The following RGPD3 variants were observed in gnomAD, a reference collection of about 807,000 sequenced individuals.
RGPD3 encodes the protein RANBP2 like and GRIP domain containing 3, also known as ranBP2-like and GRIP domain-containing protein 3.
A neutral mutation model predicts 154.5 loss-of-function variants in RGPD3; 62 were observed. The ratio of observed to expected loss-of-function variants is 0.40; its 90% CI spans 0.33 to 0.50. The LOEUF (loss-of-function observed/expected upper bound fraction) is 0.50, where lower values mean the gene tolerates loss of function less well. Among genes scored for constraint, RGPD3 ranks in the 20% least tolerant of loss-of-function variants. The pLI is 0.59. For missense variants in RGPD3, 919 were observed against 1,716.8 expected, an observed-to-expected ratio of 0.54 and a Z score of 8.21; for synonymous variants, 308 against 607.0, an observed-to-expected ratio of 0.51 and a Z score of 7.24.
At position 106,404,964 on chromosome 2, in the gene RGPD3, C is replaced by T. The variant is rs1173271400; in HGVS notation, c.*255G>A. On this transcript the variant is annotated 3_prime_UTR_variant, in exon 23 of 23. Transcript: ENST00000409886. ...GATCACATGAGTTAGAGGGCTGTGG[C>T]CTGGTATCAACACTTCAAGCTGTTG... 3 of 579,312 alleles carry T rather than the reference C, an allele frequency of 5.2e-6. No individual in the cohort carries two copies. The highest frequency in any genetic ancestry group is 1.9e-5 in the African/African-American group (1 of 52,218). The allele number at this position is 579,312 out of a possible 1,614,324, so 35.9% of individuals were successfully genotyped here. A position where few individuals can be genotyped will look rare whatever the true frequency, so the allele number is the denominator to read the frequency against.
intron 9 of RGPD3, among the ~76,000 whole-genome samples, 179 bp from the exon 10 acceptor site, chr2:106,437,033 CTTGA>C (rs1250758465): frequency 1.4e-4 from 1 of 6,996 alleles, no homozygotes; most frequent in African/African-American, 6.4e-4. Flanking sequence ...TGCATTCTCA[CTTGA>C]TTATTTCTAG....
intron 18 of RGPD3, among the ~76,000 whole-genome samples, chr2:106,427,062 A>G (rs1238795376): frequency 1.3e-5 from 2 of 151,424 alleles, no homozygotes; most frequent in African/African-American, 4.8e-5. Context: ...AAAATAAAAT[A>G]TTAAATAAAA....
chr2:106,433,124 T>G lies in RGPD3; in HGVS notation c.2367A>C (p.Ser789=). ...TGTTTACCTTGTAACTTTTACTTGGTGATAGTGAATATTTGGTAGGAGATG... is the reference window on the plus strand; with the variant it reads ...TGTTTACCTTGTAACTTTTACTTGGGGATAGTGAATATTTGGTAGGAGATG... ...STPSPTKYSL[S]PSKSYKYSPK... Residue 789 remains serine (S), a synonymous_variant, in exon 16 of 23, where the codon TCA becomes TCC. Coordinates refer to ENST00000409886, the MANE Select transcript of RGPD3 (RefSeq NM_001144013.2). 1 of 1,610,556 alleles carries G rather than the reference T, an allele frequency of 6.2e-7. No individual in the cohort carries two copies. Among genetic ancestry groups the G allele is most frequent in the South Asian group, 1.1e-5 (1 of 90,958 alleles).
intron 3 of RGPD3, among the ~76,000 whole-genome samples, 192 bp from the exon 4 acceptor site, chr2:106,457,315 C>A (rs558718545): frequency 3.3e-5 from 5 of 152,330 alleles, no homozygotes; most frequent in Admixed American, 2.6e-4. Flanking sequence ...TGGAAATGAA[C>A]CAAATAAAGA....
In RGPD3 at chr2:106,468,228, A is replaced by C. The variant is rs1234164686; in HGVS notation, c.61T>G (p.Ser21Ala). Residue 21 changes from serine to alanine, a missense_variant, in exon 1 of 23, where the codon TCG (serine) becomes GCG (alanine). Transcript: ENST00000409886. ...YVASVQGSAP[S>A]PRKKSTRGFY... ...CCAGACCCACTCACCTTTCGAGGCG[A>C]CGGGGCGGAGCCCTGCACCGAGGCG... The C allele has an allele frequency of 6.2e-7, 1 of 1,606,330 alleles. No individual in the cohort carries two copies. The highest frequency in any genetic ancestry group is 8.5e-7 in the Non-Finnish European group (1 of 1,177,646).
At position 106,423,823 on chromosome 2, in the gene RGPD3, T is replaced by G. The variant is rs1677085403; in HGVS notation, c.4144A>C (p.Ile1382Leu). The change falls in exon 20 of 23, where the codon ATA becomes CTA. Residue 1382 changes from isoleucine to leucine, a missense_variant. Coordinates refer to ENST00000409886, the MANE Select transcript of RGPD3 (RefSeq NM_001144013.2). ...TTATCATAATTCTGTAAAATCTTTA[T>G]ATCACCAATGCCCCTTTCTTTCCAT... is the stretch of plus-strand genomic sequence containing the variant. Reference protein sequence around the residue: ...GQWKERGIGDIKILQNYDNKH... With the variant: ...GQWKERGIGDLKILQNYDNKH... 6.2e-7 allele frequency: 1 copy of G among 1,612,032 alleles called. No individual in the cohort carries two copies. Among genetic ancestry groups the G allele is most frequent in the African/African-American group, 1.3e-5 (1 of 74,970 alleles).
Position 106,457,055 on chromosome 2 carries a change from A to G in RGPD3, c.321T>C (p.Asn107=). 5 of 1,611,594 alleles carry G rather than the reference A, an allele frequency of 3.1e-6. No individual in the cohort carries two copies. Among genetic ancestry groups the G allele is most frequent in the Non-Finnish European group, 4.2e-6 (5 of 1,179,626 alleles). ...ATTCTGCTCTTCCATCAGTAACATCATTTTTACAAAGCAATTCTGCAATCT... is the reference window on the plus strand; with the variant it reads ...ATTCTGCTCTTCCATCAGTAACATCGTTTTTACAAAGCAATTCTGCAATCT... ...VLKIAELLCK[N]DVTDGRAEYW... Residue 107 remains asparagine, a synonymous_variant, in exon 4 of 23, where the codon AAT becomes AAC. Coordinates refer to ENST00000409886, the MANE Select transcript of RGPD3 (RefSeq NM_001144013.2).
Position 106,423,979 on chromosome 2 carries a change from T to C in RGPD3, c.3988A>G (p.Arg1330Gly), listed in dbSNP as rs1384250190. The C allele has an allele frequency of 6.2e-7, 1 of 1,611,716 alleles. No individual in the cohort carries two copies. The highest frequency in any genetic ancestry group is 8.5e-7 in the Non-Finnish European group (1 of 1,179,822). Residue 1330 changes from arginine to glycine, a missense_variant, in exon 20 of 23, where the codon AGA becomes GGA. Transcript: ENST00000409886. ...ACAGGTTCAAAGTACTGTCCATCTC[T>C]CTCTTCTTCTTGAGTAACATCAGAT... ...EESDVTQEEE[R>G]DGQYFEPVVP...
rs553341922 is a variant in RGPD3, at chr2:106,449,739, C to T, written c.783-2126G>A. 2.7e-4 allele frequency among the ~76,000 whole-genome samples: 41 copies of T among 151,814 alleles called. 2 individuals are homozygous for T. The highest frequency in any genetic ancestry group is 7.3e-4 in the African/African-American group (30 of 41,328). ...AAGAGGTCAAGAGATCGAGACCAGC[C>T]GGGCGCGGTGGCTCATGCCTGTAAT... On this transcript the variant is annotated intron_variant, in intron 6 of 22. Transcript: ENST00000409886.
intron 1 of RGPD3, among the ~76,000 whole-genome samples, chr2:106,467,843 C>T (rs1287285181): frequency 7.5e-4 from 99 of 131,804 alleles, no homozygotes; most frequent in African/African-American, 2.7e-3. Flanking sequence ...GGAGCAGCGC[C>T]CGTCGGGAGC....
At chr2:106,468,451 T>C, upstream of RGPD3, 1 of 1,401,112 alleles carries the variant, frequency 7.1e-7, no homozygotes, top group East Asian at 2.6e-5. Flanking sequence ...GTGTGGAACG[T>C]TGGCGACTTC....
chr2:106,433,054 A>G (rs751621055), intron 16 of RGPD3, 36 bp from the exon 17 acceptor site: 5 of 1,611,058 alleles, frequency 3.1e-6, no homozygotes, highest in Non-Finnish European at 4.2e-6. Context: ...AGAGCATTTA[A>G]AACACTTAGA....
At chr2:106,464,340 CAAA>C (rs55851806) in intron 1 of RGPD3, among the ~76,000 whole-genome samples, 14 of 107,340 alleles carry the variant, frequency 1.3e-4, no homozygotes, top group Admixed American at 3.8e-4. Flanking sequence ...GACTCCATCT[CAAA>C]AAAAAAAAAA....
intron 6 of RGPD3, among the ~76,000 whole-genome samples, chr2:106,451,394 T>C (rs1230399017): frequency 1.3e-5 from 2 of 148,430 alleles, no homozygotes; most frequent in Non-Finnish European, 3.0e-5. Flanking sequence ...ATAAATTAAC[T>C]TCCAAACAAA....
chr2:106,405,411 T>C (rs1676484481), intron 22 of RGPD3, among the ~76,000 whole-genome samples, 182 bp from the exon 23 acceptor site: 2 of 145,168 alleles, frequency 1.4e-5, no homozygotes. Context: ...GGTCTTGCTC[T>C]GTCACCCAGG....
chr2:106,469,358 C>G (rs1573314156), upstream of RGPD3, among the ~76,000 whole-genome samples: 1 of 151,674 alleles, frequency 6.6e-6, no homozygotes, highest in Admixed American at 6.6e-5. Context: ...AAGTTGGAAA[C>G]CATTTTCCAT....
chr2:106,422,385 GT>G (rs781061447), intron 20 of RGPD3, among the ~76,000 whole-genome samples: 1 of 93,546 alleles, frequency 1.1e-5, no homozygotes, highest in Non-Finnish European at 2.3e-5. Context: ...TTTGTTTTTT[GT>G]TTTTTTTGGA....
chr2:106,422,981 G>A (rs543809517), intron 20 of RGPD3, 62 bp downstream of exon 20: 1 of 1,586,442 alleles, frequency 6.3e-7, no homozygotes, highest in East Asian at 2.2e-5. Context: ...CAAAGAGTCT[G>A]CATCAAGCTA....
chr2:106,450,576 T>A (rs1454777663), intron 6 of RGPD3, among the ~76,000 whole-genome samples: 26 of 129,158 alleles, frequency 2.0e-4, no homozygotes, highest in Non-Finnish European at 3.7e-4. Context: ...TGGGGCTTCC[T>A]GGTGGGGAAC....
Sources: allele counts gnomAD v4.1 joint callset (sites outside exome capture counted in the v4.1 genomes callset), GRCh38; gene constraint gnomAD v4.1.1; transcripts MANE v1.5; gene names NCBI Gene and HGNC (gene_info 2026-07-23, HGNC 2026-07-21).